Variants in TENM1 observed in about 807,000 individuals in gnomAD.
TENM1 encodes teneurin-1.
Under a neutral mutation model 174.8 loss-of-function variants are expected in TENM1, and 35 were observed. That is an observed-to-expected ratio of 0.20 (90% CI 0.15 to 0.27). TENM1 has a LOEUF of 0.27. Among genes scored for constraint, TENM1 ranks in the 10% least tolerant of loss-of-function variants. TENM1 has a pLI of 1.00. For synonymous variants in TENM1, 781 were observed against 798.7 expected (o/e 0.98, Z 0.37); for missense variants, 1,633 against 2,130.1 (o/e 0.77, Z 4.59).
At chrX:125,003,334 A>G in the TENM1 span, among the ~76,000 whole-genome samples, 3 of 111,872 alleles carry the variant, frequency 2.7e-5, no homozygotes, top group Non-Finnish European at 3.8e-5. Context: ...ATAAAGGGCT[A>G]TATTACTCTG....
exon 13 of TENM1, chrX:124,563,749 C>G (rs1193373783): frequency 1.7e-6 from 2 of 1,189,858 alleles, no homozygotes; most frequent in East Asian, 3.0e-5. Context: ...AAAATCTTAC[C>G]TCGGACAGCA....
At chrX:125,028,526 A>C in the TENM1 span, among the ~76,000 whole-genome samples, 1 of 111,666 alleles carries the variant, frequency 9.0e-6, no homozygotes, top group Non-Finnish European at 1.9e-5. Flanking sequence ...ACTGGGGCCT[A>C]TCAGAGAGTG....
chrX:124,833,297 T>C (rs762637698), intron 3 of TENM1, among the ~76,000 whole-genome samples: 1 of 112,196 alleles, frequency 8.9e-6, no homozygotes, highest in Admixed American at 9.4e-5. Context: ...TCAAAAAGTT[T>C]CTGCCCAGAA....
At chrX:124,712,532 A>G (rs2053082867) in intron 4 of TENM1, among the ~76,000 whole-genome samples, 1 of 109,962 alleles carries the variant, frequency 9.1e-6, no homozygotes, top group South Asian at 4.0e-4. Context: ...CCCAGGCTGG[A>G]GTGCAGTGGC....
At chrX:125,080,319 C>T in the TENM1 span, among the ~76,000 whole-genome samples, 1 of 112,058 alleles carries the variant, frequency 8.9e-6, no homozygotes, top group East Asian at 2.8e-4. Flanking sequence ...TTGAATGGCA[C>T]AGCTTGCCTA....
chrX:125,095,574 A>G, the TENM1 span, among the ~76,000 whole-genome samples: 1 of 112,133 alleles, frequency 8.9e-6, no homozygotes, highest in Non-Finnish European at 1.9e-5. Context: ...CCTCCCACAC[A>G]TTTAAAAGTA....
At chrX:124,420,905 A>G (rs1182977723) in intron 24 of TENM1, 84 bp from the exon 28 acceptor site, 3 of 921,645 alleles carry the variant, frequency 3.3e-6, no homozygotes, top group Non-Finnish European at 3.0e-6. Context: ...CTGTGCATCA[A>G]GAATCATTTT....
chrX:125,134,470 C>T, the TENM1 span, among the ~76,000 whole-genome samples: 1 of 112,140 alleles, frequency 8.9e-6, no homozygotes, highest in Admixed American at 9.4e-5. Flanking sequence ...CATGCTTAAT[C>T]CTCTGGATGC....
chrX:124,741,293 T>C (rs2148559146), intron 3 of TENM1, among the ~76,000 whole-genome samples: 1 of 111,909 alleles, frequency 8.9e-6, no homozygotes, highest in African/African-American at 3.2e-5. Flanking sequence ...GGATAATGTG[T>C]TAGAGAAAGC....
chrX:124,745,329 G>A (rs900659495), intron 3 of TENM1, among the ~76,000 whole-genome samples: 1 of 111,170 alleles, frequency 9.0e-6, no homozygotes, highest in African/African-American at 3.3e-5. Context: ...GGGACAATGG[G>A]AAGAGATGTC....
chrX:124,642,393 C>T (rs1012808117), intron 10 of TENM1, among the ~76,000 whole-genome samples: 1 of 111,927 alleles, frequency 8.9e-6, no homozygotes, highest in South Asian at 3.8e-4. Context: ...GCGATAGCTC[C>T]CAGAGAAGAC....
the TENM1 span, chrX:125,203,905 G>A: frequency 8.8e-6 from 1 of 113,008 alleles, no homozygotes; most frequent in East Asian, 2.8e-4. Flanking sequence ...CGGGACTTAG[G>A]GCGTCTCGGC....
At chrX:125,056,569 G>A in the TENM1 span, among the ~76,000 whole-genome samples, 1 of 111,510 alleles carries the variant, frequency 9.0e-6, no homozygotes, top group Non-Finnish European at 1.9e-5. Context: ...GCTACTGTCA[G>A]AAGCAGAAGT....
At chrX:124,639,405 G>C (rs917988869) in intron 11 of TENM1, among the ~76,000 whole-genome samples, 5 of 112,169 alleles carry the variant, frequency 4.5e-5, no homozygotes, top group African/African-American at 1.6e-4. Context: ...AACCTTACCT[G>C]ACTGTAAGGC....
intron 1 of TENM1, among the ~76,000 whole-genome samples, chrX:124,918,376 C>A (rs1215062581): frequency 9.1e-6 from 1 of 109,955 alleles, no homozygotes; most frequent in Non-Finnish European, 1.9e-5. Flanking sequence ...GATGGGGTTT[C>A]ACCATGCTGG....
chrX:124,871,576 G>A (rs2057109036), intron 3 of TENM1, among the ~76,000 whole-genome samples: 1 of 111,918 alleles, frequency 8.9e-6, no homozygotes, highest in African/African-American at 3.3e-5. Flanking sequence ...ACATCCAAAT[G>A]AAATTACCAA....
intron 22 of TENM1, among the ~76,000 whole-genome samples, chrX:124,472,115 G>A (rs1603280079): frequency 1.9e-5 from 2 of 107,855 alleles, no homozygotes; most frequent in Admixed American, 1.0e-4. Context: ...TCCCCCTTTA[G>A]TATGCCACTT....
intron 1 of TENM1, among the ~76,000 whole-genome samples, chrX:124,941,175 A>G (rs762977702): frequency 6.4e-4 from 71 of 111,716 alleles, no homozygotes; most frequent in African/African-American, 2.1e-3. Flanking sequence ...TTTATTTATC[A>G]ACCCACTGAA....
intron 23 of TENM1, among the ~76,000 whole-genome samples, chrX:124,436,208 G>A (rs907201256): frequency 5.4e-5 from 6 of 111,671 alleles, no homozygotes; most frequent in Non-Finnish European, 3.8e-5. Flanking sequence ...CTTTAAAGAT[G>A]CTGCTTTGTG....
Sources: gnomAD v4.1 joint callset for allele counts (sites outside exome capture counted in the v4.1 genomes callset) on GRCh38, gnomAD v4.1.1 for gene constraint, MANE v1.5 for transcripts, NCBI Gene and HGNC (gene_info 2026-07-23, HGNC 2026-07-21) for gene names.